NPAS3: variants seen among roughly 807,000 people sequenced by gnomAD.
The protein encoded by NPAS3 is neuronal PAS domain-containing protein 3.
In NPAS3, 14 loss-of-function variants were observed where a neutral mutation model predicts 73.1. The observed-to-expected ratio is 0.19, with a 90% CI of 0.13 to 0.30. NPAS3 has a LOEUF of 0.30. Ranked by LOEUF, NPAS3 falls within the 10% of genes least tolerant of loss-of-function variation. The pLI is 1.00. For synonymous variants in NPAS3, 620 were observed against 541.5 expected, an observed-to-expected ratio of 1.14 and a Z score of -2.01; for missense variants, 1,096 against 1,250.0, an observed-to-expected ratio of 0.88 and a Z score of 1.86.
Position 33,793,889 on chromosome 14 carries a change from T to C in NPAS3, c.1154-8T>C, listed in dbSNP as rs745445787. The C allele has an allele frequency of 1.7e-5, 27 of 1,606,478 alleles. No homozygotes were observed. The East Asian group carries it at 6.0e-4, about 36-fold the overall frequency. On this transcript the variant is annotated splice_polypyrimidine_tract_variant and splice_region_variant and intron_variant, in intron 9 of 11. Transcript: ENST00000356141. ...ATACAATGCCTCTGTTTTGTTTTTT[T>C]TCGCCAGTGCTGAATAAGGGTCAGT...
intron 1 of NPAS3, among the ~76,000 whole-genome samples, chr14:32,945,902 C>T (rs769640442): frequency 4.6e-5 from 7 of 152,188 alleles, no homozygotes; most frequent in East Asian, 1.9e-4. Context: ...CAGTTTGCCA[C>T]GTACATCTGC....
At chr14:33,433,988 C>T (rs2048881848) in intron 4 of NPAS3, among the ~76,000 whole-genome samples, 1 of 151,620 alleles carries the variant, frequency 6.6e-6, no homozygotes, top group Admixed American at 6.6e-5. Context: ...GTCAGGAGTT[C>T]GAGACCAGCC....
At chr14:33,158,720 C>G (rs2044738439) in intron 2 of NPAS3, among the ~76,000 whole-genome samples, 1 of 152,046 alleles carries the variant, frequency 6.6e-6, no homozygotes, top group South Asian at 2.1e-4. Flanking sequence ...AGTGCAAAGG[C>G]CACGAGATGG....
chr14:33,543,379 G>A (rs866403794), intron 4 of NPAS3, among the ~76,000 whole-genome samples: 3 of 152,130 alleles, frequency 2.0e-5, no homozygotes, highest in African/African-American at 4.8e-5. Flanking sequence ...TACTGTTTTA[G>A]TACCTAGAAC....
intron 4 of NPAS3, among the ~76,000 whole-genome samples, chr14:33,522,656 T>G (rs2053608682): frequency 6.6e-6 from 1 of 152,098 alleles, no homozygotes; most frequent in Non-Finnish European, 1.5e-5. Context: ...TAAGACTGTG[T>G]TAATTGTCTT....
chr14:33,555,896 C>CTGTGTGTGTG (rs60426737), intron 4 of NPAS3, among the ~76,000 whole-genome samples: 1,677 of 151,320 alleles, frequency 0.011, 26 homozygotes, highest in African/African-American at 0.038. Context: ...GTTGGTGTGT[C>CTGTGTGTGTG]TGTGTGTGTG....
At chr14:33,598,844 C>T (rs142167585) in intron 5 of NPAS3, among the ~76,000 whole-genome samples, 18 of 152,318 alleles carry the variant, frequency 1.2e-4, no homozygotes, top group African/African-American at 4.3e-4. Flanking sequence ...CACAAGGCAG[C>T]ATTTTGCAGT....
intron 4 of NPAS3, among the ~76,000 whole-genome samples, chr14:33,547,049 C>A (rs1185436783): frequency 6.6e-6 from 1 of 152,110 alleles, no homozygotes; most frequent in Non-Finnish European, 1.5e-5. Flanking sequence ...TATAGTTAAC[C>A]TGTAATGAGA....
intron 7 of NPAS3, among the ~76,000 whole-genome samples, chr14:33,748,275 T>C (rs1458566812): frequency 6.6e-6 from 1 of 152,164 alleles, no homozygotes; most frequent in Non-Finnish European, 1.5e-5. Context: ...TTTTTTAGTA[T>C]TGGGGCCCTG....
chr14:33,413,670 A>G (rs2048027521), intron 4 of NPAS3, among the ~76,000 whole-genome samples: 1 of 152,180 alleles, frequency 6.6e-6, no homozygotes, highest in African/African-American at 2.4e-5. Flanking sequence ...CTACAAGAAC[A>G]AATTTTCCAC....
At chr14:33,416,507 A>G (rs1412636194) in intron 4 of NPAS3, among the ~76,000 whole-genome samples, 1 of 152,048 alleles carries the variant, frequency 6.6e-6, no homozygotes, top group African/African-American at 2.4e-5. Flanking sequence ...TTGTAATAAA[A>G]TACAGTCTTT....
At chr14:33,130,277 C>T (rs543373499) in intron 2 of NPAS3, among the ~76,000 whole-genome samples, 1 of 152,122 alleles carries the variant, frequency 6.6e-6, no homozygotes, top group Non-Finnish European at 1.5e-5. Context: ...TACTCTCCCC[C>T]CTTATTTAGT....
At chr14:33,493,578 C>G (rs2052014678) in intron 4 of NPAS3, among the ~76,000 whole-genome samples, 1 of 152,098 alleles carries the variant, frequency 6.6e-6, no homozygotes, top group Non-Finnish European at 1.5e-5. Flanking sequence ...CATGTTACCT[C>G]AGCCCGCTGT....
At chr14:32,984,285 G>T (rs1307543405) in intron 1 of NPAS3, among the ~76,000 whole-genome samples, 2 of 152,170 alleles carry the variant, frequency 1.3e-5, no homozygotes, top group African/African-American at 4.8e-5. Context: ...TTTTTCTCCA[G>T]CTGTTCTTCA....
intron 2 of NPAS3, among the ~76,000 whole-genome samples, chr14:33,121,706 T>C (rs1427085753): frequency 6.6e-6 from 1 of 152,068 alleles, no homozygotes; most frequent in Non-Finnish European, 1.5e-5. Flanking sequence ...ATCCTGGAAA[T>C]AGAAAGTATA....
chr14:33,638,738 G>T (rs563078183), intron 5 of NPAS3, among the ~76,000 whole-genome samples: 2 of 152,320 alleles, frequency 1.3e-5, no homozygotes, highest in Admixed American at 1.3e-4. Flanking sequence ...TTGAAGCCAC[G>T]TAACTGTTAG....
intron 2 of NPAS3, among the ~76,000 whole-genome samples, chr14:33,069,368 A>G (rs910644456): frequency 7.9e-5 from 12 of 152,204 alleles, no homozygotes; most frequent in African/African-American, 2.9e-4. Context: ...ATAACATTGC[A>G]AGTTCCTTAG....
At chr14:33,016,676 T>C (rs11156781) in intron 1 of NPAS3, among the ~76,000 whole-genome samples, 25,645 of 151,302 alleles carry the variant, frequency 0.17, 2,490 homozygotes, top group Middle Eastern at 0.25. Context: ...TGTGGGATCC[T>C]GTAGCAGTTT....
chr14:33,224,771 T>C (rs975888162), intron 3 of NPAS3, among the ~76,000 whole-genome samples: 1 of 152,060 alleles, frequency 6.6e-6, no homozygotes, highest in African/African-American at 2.4e-5. Flanking sequence ...TTAGAGCAAA[T>C]GATAACATTT....
Sources: allele counts gnomAD v4.1 joint callset (sites outside exome capture counted in the v4.1 genomes callset), GRCh38; gene constraint gnomAD v4.1.1; transcripts MANE v1.5; gene names NCBI Gene and HGNC (gene_info 2026-07-23, HGNC 2026-07-21).